Variants in BRD4 observed in about 807,000 individuals in gnomAD.
The protein encoded by BRD4 is bromodomain-containing protein 4.
A neutral mutation model predicts 142.1 loss-of-function variants in BRD4; 16 were observed. That is an observed-to-expected ratio of 0.11 (90% CI 0.08 to 0.17). BRD4 has a LOEUF of 0.17. BRD4 is among the 10% of genes least tolerant of loss of function. The probability of loss-of-function intolerance (pLI) is 1.00; values close to 1 mark genes in which losing one functional copy is unlikely to be tolerated. For synonymous variants in BRD4, 833 were observed against 707.5 expected, an observed-to-expected ratio of 1.18 and a Z score of -2.82; for missense variants, 1,424 against 1,810.9, an observed-to-expected ratio of 0.79 and a Z score of 3.88.
chr19:15,307,067 C>G (rs2047920373), intron 1 of BRD4, among the ~76,000 whole-genome samples: 1 of 152,044 alleles, frequency 6.6e-6, no homozygotes. Flanking sequence ...CCGGTAAACT[C>G]AAAATTCAGG....
chr19:15,240,338 G>A (rs1479615824), intron 14 of BRD4, among the ~76,000 whole-genome samples: 1 of 152,198 alleles, frequency 6.6e-6, no homozygotes, highest in Non-Finnish European at 1.5e-5. Flanking sequence ...GTGTGCATCA[G>A]AATCATCTGG....
At chr19:15,304,596 T>C (rs922082272) in intron 1 of BRD4, among the ~76,000 whole-genome samples, 33 of 152,064 alleles carry the variant, frequency 2.2e-4, no homozygotes, top group African/African-American at 8.0e-4. Flanking sequence ...TGGCAGACAA[T>C]GTACGAGCAA....
At chr19:15,317,219 G>A (rs2048024699) in intron 1 of BRD4, among the ~76,000 whole-genome samples, 2 of 152,164 alleles carry the variant, frequency 1.3e-5, no homozygotes, top group African/African-American at 4.8e-5. Flanking sequence ...TGATACTAGT[G>A]CCCAGTGTAT....
intron 1 of BRD4, among the ~76,000 whole-genome samples, chr19:15,278,305 T>C (rs551979172): frequency 4.0e-4 from 61 of 151,476 alleles, no homozygotes; most frequent in African/African-American, 1.5e-3. Flanking sequence ...GAAAACGAGG[T>C]AGGCAGATCA....
At chr19:15,315,881 C>T (rs1180511083) in intron 1 of BRD4, among the ~76,000 whole-genome samples, 3 of 151,376 alleles carry the variant, frequency 2.0e-5, no homozygotes, top group East Asian at 2.0e-4. Flanking sequence ...AGCGGCCGGG[C>T]GCCATGGCTC....
At chr19:15,267,651 A>G in intron 3 of BRD4, 100 bp from the exon 4 acceptor site, 3 of 1,395,058 alleles carry the variant, frequency 2.2e-6, no homozygotes, top group Non-Finnish European at 2.9e-6. Flanking sequence ...CCAAAACATG[A>G]AGCGTCGTAT....
intron 1 of BRD4, among the ~76,000 whole-genome samples, chr19:15,313,531 C>G (rs2047991585): frequency 6.6e-6 from 1 of 151,750 alleles, no homozygotes; most frequent in South Asian, 2.1e-4. Context: ...AAAAAATTTG[C>G]CGGGCGTGGT....
chr19:15,304,111 TA>T (rs1012889668), intron 1 of BRD4, among the ~76,000 whole-genome samples: 1 of 152,224 alleles, frequency 6.6e-6, no homozygotes, highest in African/African-American at 2.4e-5. Context: ...CTCTGATCGC[TA>T]ACTTTTTTAC....
At chr19:15,331,965 G>T (rs867149133) in intron 1 of BRD4, 1 of 45,226 alleles carries the variant, frequency 2.2e-5, no homozygotes, top group Non-Finnish European at 4.3e-5. Flanking sequence ...CCCGACCGCC[G>T]GCCCCGCCGC....
intron 7 of BRD4, among the ~76,000 whole-genome samples, chr19:15,257,751 A>G (rs919588455): frequency 2.6e-5 from 4 of 152,166 alleles, no homozygotes; most frequent in Non-Finnish European, 4.4e-5. Flanking sequence ...CACTTAACCA[A>G]GCAGGGCTGC....
intron 1 of BRD4, among the ~76,000 whole-genome samples, chr19:15,279,911 G>A (rs894279619): frequency 4.6e-5 from 7 of 152,224 alleles, no homozygotes; most frequent in Non-Finnish European, 1.0e-4. Context: ...AAGTGATGGA[G>A]CACACAGGTA....
chr19:15,240,132 C>G, intron 14 of BRD4, 110 bp from the exon 15 acceptor site: 1 of 1,437,916 alleles, frequency 7.0e-7, no homozygotes, highest in Admixed American at 2.6e-5. Flanking sequence ...CATGTGCCGC[C>G]CAGGCCCTGG....
At chr19:15,265,976 A>G (rs2047530359) in intron 4 of BRD4, among the ~76,000 whole-genome samples, 1 of 152,190 alleles carries the variant, frequency 6.6e-6, no homozygotes, top group Non-Finnish European at 1.5e-5. Context: ...CACTCCTCAG[A>G]GCTTCCAGGC....
At chr19:15,272,701 TCACC>T (rs1389410114) in intron 2 of BRD4, 110 bp downstream of exon 2, 1 of 998,360 alleles carries the variant, frequency 1.0e-6, no homozygotes, top group South Asian at 1.6e-5. Context: ...CCTGCAGCTC[TCACC>T]ATGATTCCAA....
intron 14 of BRD4, among the ~76,000 whole-genome samples, chr19:15,241,896 T>G (rs1318776488): frequency 7.1e-6 from 1 of 139,986 alleles, no homozygotes; most frequent in Non-Finnish European, 1.5e-5. Flanking sequence ...CACTGCAACC[T>G]CCGCCTCCCA....
In BRD4 at chr19:15,265,308, G is replaced by A. The variant is rs745772757; in HGVS notation, c.849+46C>T. On this transcript the variant is annotated intron_variant, in intron 5 of 19. Coordinates refer to ENST00000679869, the MANE Select transcript of BRD4 (RefSeq NM_001379291.1). ...GTAAAGCACGGGCAAGGACAGGGCC[G>A]CTCTCCTCCCTGGTGAAGCAGCCCT... 4.9e-5 allele frequency: 71 copies of A among 1,450,060 alleles called. No individual in the cohort carries two copies. The South Asian group carries it at 8.6e-4, about 18-fold the overall frequency. 89.8% of individuals were successfully genotyped at this position (1,450,060 alleles called of 1,614,324 possible).
intron 11 of BRD4, 131 bp from the exon 12 acceptor site, chr19:15,244,893 T>C: frequency 1.3e-6 from 2 of 1,499,372 alleles, no homozygotes; most frequent in Non-Finnish European, 1.8e-6. Context: ...GGCAGCCGAG[T>C]TCAATGAGGG....
Position 15,239,675 on chromosome 19 carries a change from G to T in BRD4, c.3429C>A (p.Pro1143=). The T allele has an allele frequency of 6.3e-7, 1 of 1,584,128 alleles. No homozygotes were observed. Among genetic ancestry groups the T allele is most frequent in the South Asian group, 1.1e-5 (1 of 89,370 alleles). Residue 1143 remains proline, a synonymous_variant, in exon 16 of 20, where the codon CCC becomes CCA. Coordinates refer to ENST00000679869, the MANE Select transcript of BRD4 (RefSeq NM_001379291.1). The surrounding 1 kb of genome is among the most constrained non-coding windows in gnomAD (Gnocchi z 7.4). ...PPKHPESIKA[P]VHLPQRPEMK... ...AGCACTCACGCTGGGGCAGGTGGAC[G>T]GGGGCCTTGATGCTCTCCGGGTGCT...
chr19:15,249,253 G>T, intron 11 of BRD4: 1 of 1,614,016 alleles, frequency 6.2e-7, no homozygotes, highest in Non-Finnish European at 8.5e-7. Context: ...ACTGAAGACC[G>T]TTTTATTAAG....
Sources: allele counts gnomAD v4.1 joint callset (sites outside exome capture counted in the v4.1 genomes callset), GRCh38; gene constraint gnomAD v4.1.1; non-coding constraint Gnocchi (gnomAD v3.1); transcripts MANE v1.5; gene names NCBI Gene and HGNC (gene_info 2026-07-23, HGNC 2026-07-21).